Variants in NF2 observed in about 807,000 individuals in gnomAD.
NF2 encodes NF2, moesin-ezrin-radixin like (MERLIN) tumor suppressor.
Under a neutral mutation model 83.7 loss-of-function variants are expected in NF2, and 8 were observed. The observed-to-expected ratio is 0.10, with a 90% CI of 0.06 to 0.17. The LOEUF is 0.17. NF2 is among the 10% of genes least tolerant of loss of function. NF2 has a pLI of 1.00. For synonymous variants in NF2, 266 were observed against 269.6 expected, an observed-to-expected ratio of 0.99 and a Z score of 0.13; for missense variants, 533 against 744.4, an observed-to-expected ratio of 0.72 and a Z score of 3.31.
At chr22:29,624,821 CTTTCTTT>C (rs2065308430) in intron 1 of NF2, among the ~76,000 whole-genome samples, 1 of 134,762 alleles carries the variant, frequency 7.4e-6, no homozygotes, top group South Asian at 2.3e-4. Context: ...TTCTTTCTTT[CTTTCTTT>C]CTTTCTTTCT....
At chr22:29,651,300 T>C (rs1417624674) in intron 4 of NF2, among the ~76,000 whole-genome samples, 1 of 152,208 alleles carries the variant, frequency 6.6e-6, no homozygotes, top group Non-Finnish European at 1.5e-5. Context: ...CCACAAGTCT[T>C]TTAAATGGTA....
intron 2 of NF2, among the ~76,000 whole-genome samples, 159 bp from the exon 3 acceptor site, chr22:29,638,931 C>T (rs1240912419): frequency 1.3e-5 from 2 of 152,156 alleles, no homozygotes. Flanking sequence ...CTATAGGTGA[C>T]TTTGTGAATA....
At chr22:29,682,670 G>A (rs1173167651) in intron 15 of NF2, among the ~76,000 whole-genome samples, 1 of 152,222 alleles carries the variant, frequency 6.6e-6, no homozygotes, top group African/African-American at 2.4e-5. Context: ...GGGAGTTCAA[G>A]GGAGGCCTCG....
intron 1 of NF2, among the ~76,000 whole-genome samples, chr22:29,623,426 G>A (rs947640984): frequency 6.6e-6 from 1 of 152,160 alleles, no homozygotes; most frequent in Non-Finnish European, 1.5e-5. Context: ...GGGAGAGAGA[G>A]GTTGGAAGTA....
At chr22:29,674,756 T>C (rs1473481105) in intron 12 of NF2, 80 bp from the exon 13 acceptor site, 27 of 1,274,630 alleles carry the variant, frequency 2.1e-5, no homozygotes, top group Non-Finnish European at 2.9e-5. Flanking sequence ...CCCAGGTCCC[T>C]CCTCTGCAGG....
intron 10 of NF2, among the ~76,000 whole-genome samples, chr22:29,668,777 C>G (rs1296961159): frequency 6.6e-6 from 1 of 152,132 alleles, no homozygotes; most frequent in Non-Finnish European, 1.5e-5. Context: ...TCTTTTTTTG[C>G]CTGTCTGCCT....
At chr22:29,645,020 T>C (rs2065945325) in intron 4 of NF2, among the ~76,000 whole-genome samples, 1 of 152,182 alleles carries the variant, frequency 6.6e-6, no homozygotes, top group South Asian at 2.1e-4. Context: ...TTTTTCTTTT[T>C]AATTAAAGGT....
intron 1 of NF2, among the ~76,000 whole-genome samples, chr22:29,616,369 A>G (rs562856613): frequency 1.6e-4 from 24 of 152,370 alleles, no homozygotes; most frequent in African/African-American, 5.8e-4. Context: ...AATGTAAACA[A>G]TGGGCATGAC....
chr22:29,618,770 G>A (rs2065137829), intron 1 of NF2, among the ~76,000 whole-genome samples: 1 of 152,172 alleles, frequency 6.6e-6, no homozygotes, highest in Non-Finnish European at 1.5e-5. Context: ...ATACCTAAGT[G>A]AGATTATGAT....
At chr22:29,672,070 T>G (rs1462367900) in intron 11 of NF2, 122 bp downstream of exon 11, 2 of 1,457,728 alleles carry the variant, frequency 1.4e-6, no homozygotes, top group Admixed American at 3.7e-5. Flanking sequence ...AATTTCAGCT[T>G]TGAAAAAATC....
intron 7 of NF2, among the ~76,000 whole-genome samples, chr22:29,660,281 G>A (rs1361410821): frequency 6.6e-6 from 1 of 152,124 alleles, no homozygotes; most frequent in Non-Finnish European, 1.5e-5. Flanking sequence ...GCATAAGTAC[G>A]GCTTTTAGAC....
At chr22:29,643,914 G>A (rs552364640) in intron 4 of NF2, among the ~76,000 whole-genome samples, 7 of 150,184 alleles carry the variant, frequency 4.7e-5, no homozygotes, top group Non-Finnish European at 8.9e-5. Flanking sequence ...CTGGCCGGGC[G>A]GGGGGCTGAC....
At chr22:29,607,523 T>C (rs1415953325) in intron 1 of NF2, among the ~76,000 whole-genome samples, 6 of 152,108 alleles carry the variant, frequency 3.9e-5, no homozygotes, top group African/African-American at 1.4e-4. Context: ...AACAAATAAA[T>C]AACAATTGGC....
chr22:29,612,046 C>T (rs1015011487), intron 1 of NF2, among the ~76,000 whole-genome samples: 39 of 152,284 alleles, frequency 2.6e-4, no homozygotes, highest in Middle Eastern at 6.8e-3. Flanking sequence ...CTCACTCTGT[C>T]GTCCAGGCTG....
At chr22:29,683,327 C>T in intron 15 of NF2, 1 of 1,411,670 alleles carries the variant, frequency 7.1e-7, no homozygotes, top group Non-Finnish European at 9.2e-7. Context: ...TTCTTCCCAT[C>T]TCGGGTCATT....
At chr22:29,607,771 T>C (rs1364217380) in intron 1 of NF2, among the ~76,000 whole-genome samples, 2 of 152,072 alleles carry the variant, frequency 1.3e-5, no homozygotes, top group Admixed American at 1.3e-4. Context: ...AAGGAAAATA[T>C]GATGACAAAG....
intron 1 of NF2, among the ~76,000 whole-genome samples, chr22:29,618,180 T>C (rs73881580): frequency 6.6e-6 from 1 of 152,202 alleles, no homozygotes; most frequent in African/African-American, 2.4e-5. Context: ...TTGAAAGTAA[T>C]CATAGTTTGA....
Position 29,658,446 on chromosome 22 carries a change from A to G in NF2, c.675+182A>G, listed in dbSNP as rs1234122559. Among the ~76,000 whole-genome samples, 3 of 152,206 alleles carry G rather than the reference A, an allele frequency of 2.0e-5. No homozygotes were observed. Among genetic ancestry groups the G allele is most frequent in the Non-Finnish European group, 4.4e-5 (3 of 68,036 alleles). ...AACTTTCTATTTTTGGACTTCAATT[A>G]GATCATAGGTAATTAAGTGTCACTT... is the stretch of plus-strand genomic sequence containing the variant. On this transcript the variant is annotated intron_variant, in intron 7 of 15. Coordinates refer to ENST00000338641, the MANE Select transcript of NF2 (RefSeq NM_000268.4).
rs1601631347 is a variant in NF2 at position 29,665,411 on chromosome 22, T to G, written c.885+347T>G. 2.0e-5 allele frequency among the ~76,000 whole-genome samples: 3 copies of G among 152,028 alleles called. No individual in the cohort carries two copies. The East Asian group carries it at 5.8e-4, about 29-fold the overall frequency. On this transcript the variant is annotated intron_variant, in intron 9 of 15. Transcript: ENST00000338641. ...GGCATGAGACACCATGCCCAGCTAA[T>G]TTTTGTATTTTCAGTAGAGACGGGG...
Sources: allele counts gnomAD v4.1 joint callset (sites outside exome capture counted in the v4.1 genomes callset), GRCh38; gene constraint gnomAD v4.1.1; transcripts MANE v1.5; gene names NCBI Gene and HGNC (gene_info 2026-07-23, HGNC 2026-07-21).